The following PRKCE variants were observed in gnomAD, a reference collection of about 807,000 sequenced individuals.
The protein encoded by PRKCE is protein kinase C epsilon.
Under a neutral mutation model 85.4 loss-of-function variants are expected in PRKCE, and 16 were observed. The ratio of observed to expected loss-of-function variants is 0.19; its 90% CI spans 0.13 to 0.28. The LOEUF (loss-of-function observed/expected upper bound fraction) is 0.28. Among genes scored for constraint, PRKCE ranks in the 10% least tolerant of loss-of-function variants. The pLI is 1.00. For synonymous variants in PRKCE, 388 were observed against 371.5 expected, an observed-to-expected ratio of 1.04 and a Z score of -0.51; for missense variants, 573 against 975.2, an observed-to-expected ratio of 0.59 and a Z score of 5.49.
rs1329165562 is a variant in PRKCE at position 46,185,050 on chromosome 2, C to T, written c.*169C>T. The T allele has an allele frequency of 3.2e-5, 29 of 899,028 alleles. No homozygotes were observed. Among genetic ancestry groups the T allele is most frequent in the Non-Finnish European group, 4.4e-5 (27 of 607,146 alleles). 55.7% of individuals were successfully genotyped at this position (899,028 alleles called of 1,614,324 possible). Reference sequence around the variant, plus strand: ...TTGCCCCAGGCCACCTCCTCCCCCTCCCACCTGGTGACCAGAAGGCGCTCT... The same window carrying T: ...TTGCCCCAGGCCACCTCCTCCCCCTTCCACCTGGTGACCAGAAGGCGCTCT... On this transcript the variant is annotated 3_prime_UTR_variant, in exon 15 of 15. Transcript: ENST00000306156. The surrounding 1 kb of genome is among the most constrained non-coding windows in gnomAD (Gnocchi z 4.7).
chr2:45,700,214 G>A lies in PRKCE; in HGVS notation c.348+47766G>A, dbSNP rs921339797. On this transcript the variant is annotated intron_variant, in intron 1 of 14. Transcript: ENST00000306156. ...GGTGGAGAGGTGAGAACACACCTGG[G>A]AGCAATATAGAGAGGTCTTTTTTCT... is the stretch of plus-strand genomic sequence containing the variant. 1.4e-4 allele frequency among the ~76,000 whole-genome samples: 22 copies of A among 152,110 alleles called. 1 individual carries two copies. The South Asian group carries it at 3.5e-3, about 24-fold the overall frequency.
At chr2:46,010,281 C>T in intron 9 of PRKCE, 63 bp from the exon 10 acceptor site, 1 of 1,476,450 alleles carries the variant, frequency 6.8e-7, no homozygotes, top group Non-Finnish European at 9.0e-7. Flanking sequence ...TTGGTATTAG[C>T]TTACACTTCT....
At chr2:45,871,517 A>G (rs1318752085) in intron 2 of PRKCE, among the ~76,000 whole-genome samples, 1 of 152,234 alleles carries the variant, frequency 6.6e-6, no homozygotes, top group African/African-American at 2.4e-5. Context: ...CAGCAAGAGC[A>G]ATAAAAATAT....
chr2:45,762,071 CT>C (rs1377580737), intron 1 of PRKCE, among the ~76,000 whole-genome samples: 13 of 152,140 alleles, frequency 8.5e-5, no homozygotes, highest in South Asian at 2.1e-4. Context: ...TTCAGCCACT[CT>C]CTAGGGGAGT....
intron 2 of PRKCE, chr2:45,845,707 G>A (rs2105508640): frequency 6.6e-6 from 1 of 152,278 alleles, no homozygotes; most frequent in East Asian, 1.9e-4. Flanking sequence ...ACGTCTGCTG[G>A]AGCTGGAGCT....
rs1044066015 is a variant in PRKCE, at chr2:46,145,053, G to A, written c.1593-40G>A. 7.5e-6 allele frequency: 12 copies of A among 1,598,974 alleles called. No individual in the cohort carries two copies. Among genetic ancestry groups the A allele is most frequent in the Non-Finnish European group, 1.0e-5 (12 of 1,179,378 alleles). ...CAACTCAGGAAGACTATATTGGGGTGAGTGACGTATTGACATTATGGTCCT... is the reference window on the plus strand; with the variant it reads ...CAACTCAGGAAGACTATATTGGGGTAAGTGACGTATTGACATTATGGTCCT... On this transcript the variant is annotated intron_variant, in intron 11 of 14. Transcript: ENST00000306156. This position sits in a 1 kb window ranked among gnomAD's most constrained non-coding sequence, Gnocchi z 4.6.
chr2:45,963,164 G>A (rs1455637534), intron 2 of PRKCE, among the ~76,000 whole-genome samples: 12 of 152,168 alleles, frequency 7.9e-5, no homozygotes, highest in African/African-American at 2.4e-4. Context: ...AGGCAAGCTC[G>A]TTTCCTGATC....
At chr2:46,084,452 G>A (rs11125049) in intron 10 of PRKCE, among the ~76,000 whole-genome samples, 47,243 of 151,958 alleles carry the variant, frequency 0.31, 8,304 homozygotes, top group African/African-American at 0.46. Flanking sequence ...AGCCGGGCAC[G>A]GTGGCTCATG....
At chr2:46,157,929 T>C (rs751083770) in intron 13 of PRKCE, among the ~76,000 whole-genome samples, 19 of 152,222 alleles carry the variant, frequency 1.2e-4, no homozygotes, top group Non-Finnish European at 2.4e-4. Flanking sequence ...TGCAGAACTT[T>C]AGAGAAGGCC....
At chr2:45,838,375 C>G (rs1174647892) in intron 1 of PRKCE, among the ~76,000 whole-genome samples, 1 of 152,182 alleles carries the variant, frequency 6.6e-6, no homozygotes, top group Non-Finnish European at 1.5e-5. Flanking sequence ...GCTCTCTAAG[C>G]CTGTTTTTTC....
chr2:46,016,341 A>C (rs906976596), intron 10 of PRKCE, among the ~76,000 whole-genome samples: 5 of 152,122 alleles, frequency 3.3e-5, no homozygotes, highest in Non-Finnish European at 1.5e-5. Flanking sequence ...GTGTCTGTGT[A>C]GATGAGCTGG....
chr2:46,039,423 A>T (rs113738667), intron 10 of PRKCE, among the ~76,000 whole-genome samples: 13 of 152,114 alleles, frequency 8.5e-5, no homozygotes, highest in African/African-American at 3.1e-4. Context: ...CTCCATATGT[A>T]TATTCCAAAA....
intron 11 of PRKCE, among the ~76,000 whole-genome samples, chr2:46,091,467 G>A (rs1670163724): frequency 6.6e-6 from 1 of 152,196 alleles, no homozygotes; most frequent in South Asian, 2.1e-4. Context: ...GACAGTGAGG[G>A]GAGTAGAGGG....
chr2:46,125,974 T>G (rs1156760813), intron 11 of PRKCE, among the ~76,000 whole-genome samples: 1 of 152,226 alleles, frequency 6.6e-6, no homozygotes, highest in Non-Finnish European at 1.5e-5. Flanking sequence ...GCATGGCAGA[T>G]GTAAGCAGCA....
intron 1 of PRKCE, among the ~76,000 whole-genome samples, chr2:45,706,679 G>A (rs753479197): frequency 1.7e-4 from 26 of 152,198 alleles, no homozygotes; most frequent in African/African-American, 4.6e-4. Flanking sequence ...TGTATTGGCC[G>A]CCTGATAGTT....
At chr2:45,758,882 G>A (rs993970187) in intron 1 of PRKCE, among the ~76,000 whole-genome samples, 1 of 152,186 alleles carries the variant, frequency 6.6e-6, no homozygotes, top group African/African-American at 2.4e-5. Flanking sequence ...CCTGTAAAGT[G>A]CAGAGGGTGC....
At chr2:45,658,458 C>G (rs1164029803) in intron 1 of PRKCE, among the ~76,000 whole-genome samples, 1 of 152,182 alleles carries the variant, frequency 6.6e-6, no homozygotes, top group Non-Finnish European at 1.5e-5. Flanking sequence ...ATTTGAGACC[C>G]TGAATTCCCT....
chr2:45,759,676 A>G (rs1684280056), intron 1 of PRKCE, among the ~76,000 whole-genome samples: 1 of 152,216 alleles, frequency 6.6e-6, no homozygotes, highest in South Asian at 2.1e-4. Context: ...CTCGGTTATG[A>G]TCTCAGGAGT....
chr2:46,156,399 C>A (rs1420194194), intron 13 of PRKCE, among the ~76,000 whole-genome samples: 1 of 152,226 alleles, frequency 6.6e-6, no homozygotes, highest in Non-Finnish European at 1.5e-5. Flanking sequence ...CTAATTGATT[C>A]TCTGGCAGTT....
Sources: allele counts gnomAD v4.1 joint callset (sites outside exome capture counted in the v4.1 genomes callset), GRCh38; gene constraint gnomAD v4.1.1; non-coding constraint Gnocchi (gnomAD v3.1); transcripts MANE v1.5; gene names NCBI Gene and HGNC (gene_info 2026-07-23, HGNC 2026-07-21).